The following RABGEF1 variants were observed in gnomAD, a reference collection of about 807,000 sequenced individuals.
The protein encoded by RABGEF1 is RAB guanine nucleotide exchange factor 1, also known as rab5 GDP/GTP exchange factor.
Under a neutral mutation model 57.3 loss-of-function variants are expected in RABGEF1, and 26 were observed. The observed-to-expected ratio is 0.45, with a 90% CI of 0.33 to 0.63. The LOEUF is 0.63. Ranked by LOEUF, RABGEF1 falls within the 20% of genes least tolerant of loss-of-function variation. The pLI is 0.02. For synonymous variants in RABGEF1, 185 were observed against 210.7 expected (o/e 0.88, Z 1.06); for missense variants, 464 against 607.6 (o/e 0.76, Z 2.48).
chr7:66,784,304 T>G (rs542639231), intron 4 of RABGEF1, among the ~76,000 whole-genome samples: 1 of 152,328 alleles, frequency 6.6e-6, no homozygotes, highest in South Asian at 2.1e-4. Context: ...GAAAGGGACT[T>G]TAGCAACTAT....
the RABGEF1 span, among the ~76,000 whole-genome samples, chr7:66,659,825 ATCAG>A: frequency 6.6e-6 from 1 of 151,904 alleles, no homozygotes; most frequent in Non-Finnish European, 1.5e-5. Context: ...AAGATCTCAA[ATCAG>A]TCACCTAACT....
At chr7:66,772,747 A>G (rs972632825) in intron 2 of RABGEF1, among the ~76,000 whole-genome samples, 3 of 151,858 alleles carry the variant, frequency 2.0e-5, no homozygotes, top group Non-Finnish European at 4.4e-5. Flanking sequence ...CCTCTCTACT[A>G]AAAATATTAA....
the RABGEF1 span, among the ~76,000 whole-genome samples, chr7:66,655,273 G>T: frequency 3.9e-5 from 6 of 152,178 alleles, no homozygotes; most frequent in Non-Finnish European, 7.3e-5. Context: ...GAGGAGAGCC[G>T]AGAGATGTCC....
At chr7:66,660,368 AAAAAG>A in the RABGEF1 span, among the ~76,000 whole-genome samples, 2 of 151,890 alleles carry the variant, frequency 1.3e-5, no homozygotes, top group African/African-American at 2.4e-5. Context: ...AAAAGAAAGA[AAAAAG>A]AAAATGAGCA....
chr7:66,680,277 G>A (rs192026896), upstream of RABGEF1, among the ~76,000 whole-genome samples: 1 of 150,694 alleles, frequency 6.6e-6, no homozygotes, highest in Non-Finnish European at 1.5e-5. Flanking sequence ...ACAGAGTTTC[G>A]CTCTTGTTGC....
At chr7:66,666,946 G>A in the RABGEF1 span, among the ~76,000 whole-genome samples, 1 of 152,220 alleles carries the variant, frequency 6.6e-6, no homozygotes, top group Non-Finnish European at 1.5e-5. Flanking sequence ...AGGCAGCAAG[G>A]CACTGCAGGT....
rs1789072796 is a variant in RABGEF1, at chr7:66,808,925, T to A, written c.1117T>A (p.Ser373Thr). Residue 373 changes from serine (S) to threonine (T), a missense_variant, in exon 9 of 9, where the codon TCT (serine) becomes ACT (threonine). By Grantham distance (58) the Ser-to-Thr change is moderately conservative. Around this residue, in one of 4 missense-constraint regions of RABGEF1, gnomAD observed 151 missense variants for 152.2 expected, o/e 0.99. Transcript: ENST00000284957. ...VAFIEKLDAQ[S>T]LNLSQEDFDR... ...TTTCATTGAGAAGCTAGACGCCCAG[T>A]CTTTGAATCTAAGTCAGGAGGATTT... is the stretch of plus-strand genomic sequence containing the variant. 1.2e-6 allele frequency: 2 copies of A among 1,610,474 alleles called. No individual in the cohort carries two copies.
upstream of RABGEF1, among the ~76,000 whole-genome samples, chr7:66,738,798 C>T (rs1319715758): frequency 6.6e-6 from 1 of 151,434 alleles, no homozygotes; most frequent in Non-Finnish European, 1.5e-5. Context: ...GGTGTGTTGC[C>T]TGATTCTGTA....
chr7:66,808,489 C>G (rs192956636), intron 8 of RABGEF1, among the ~76,000 whole-genome samples: 1 of 152,190 alleles, frequency 6.6e-6, no homozygotes, highest in Non-Finnish European at 1.5e-5. Context: ...GCTGGGATTA[C>G]AGGCTTGAGG....
intron 7 of RABGEF1, among the ~76,000 whole-genome samples, chr7:66,803,503 G>A (rs1327848302): frequency 2.6e-5 from 4 of 152,216 alleles, no homozygotes; most frequent in East Asian, 1.9e-4. Context: ...CTGTCACCAC[G>A]TGCTTCAGCA....
At chr7:66,657,920 C>T in the RABGEF1 span, among the ~76,000 whole-genome samples, 1 of 152,086 alleles carries the variant, frequency 6.6e-6, no homozygotes, top group African/African-American at 2.4e-5. Context: ...GAGCTAACCC[C>T]AACCTAGCAG....
the RABGEF1 span, among the ~76,000 whole-genome samples, chr7:66,673,093 A>G: frequency 1.4e-5 from 2 of 138,600 alleles, no homozygotes; most frequent in South Asian, 2.4e-4. Context: ...GCCCATGCTC[A>G]GGTGGCCACA....
intron 2 of RABGEF1, among the ~76,000 whole-genome samples, 191 bp from the exon 3 acceptor site, chr7:66,775,035 AC>A (rs1171321205): frequency 2.0e-5 from 3 of 152,216 alleles, no homozygotes; most frequent in Non-Finnish European, 4.4e-5. Flanking sequence ...GTATGAGAAG[AC>A]CCCATTTGAA....
At chr7:66,768,213 CT>C (rs1806224714) in intron 1 of RABGEF1, among the ~76,000 whole-genome samples, 5 of 152,178 alleles carry the variant, frequency 3.3e-5, no homozygotes. Context: ...AACAAATTGT[CT>C]TCTGCTGTGG....
intron 7 of RABGEF1, among the ~76,000 whole-genome samples, chr7:66,801,153 ATCAGCTCC>A (rs1167400233): frequency 6.6e-6 from 1 of 152,200 alleles, no homozygotes; most frequent in Non-Finnish European, 1.5e-5. Context: ...AGAGTCCATC[ATCAGCTCC>A]TCTTAGCTCC....
At chr7:66,691,488 G>GA (rs776326672) in intron 1 of RABGEF1, among the ~76,000 whole-genome samples, 305 of 152,216 alleles carry the variant, frequency 2.0e-3, no homozygotes, top group Non-Finnish European at 3.6e-3. Context: ...TATGCTGAGT[G>GA]AAAAAAATTG....
rs529550567 is a variant in RABGEF1, at chr7:66,759,074, TC to T, written c.-17-12808del. Reference sequence around the variant, plus strand: ...TGTATAGTGTCATGCACATTTCATCTCATACGTAGATTCCTGTAGCCACCAC... The same window carrying T: ...TGTATAGTGTCATGCACATTTCATCTATACGTAGATTCCTGTAGCCACCAC... On this transcript the variant is annotated intron_variant, in intron 1 of 8. Transcript: ENST00000284957. Among the ~76,000 whole-genome samples the T allele has an allele frequency of 3.3e-5, 5 of 152,282 alleles. No homozygotes were observed. The South Asian group carries it at 1.0e-3, about 32-fold the overall frequency.
intron 3 of RABGEF1, among the ~76,000 whole-genome samples, chr7:66,783,005 T>G (rs1351445341): frequency 1.3e-5 from 2 of 152,176 alleles, no homozygotes; most frequent in African/African-American, 2.4e-5. Flanking sequence ...CCATTTTCCT[T>G]TCAGTGTGTT....
In RABGEF1 at chr7:66,793,736, A is replaced by G. The variant is rs1398222252; in HGVS notation, c.514-1775A>G. 2.7e-5 allele frequency among the ~76,000 whole-genome samples: 4 copies of G among 148,448 alleles called. No homozygotes were observed. The South Asian group carries it at 6.2e-4, about 23-fold the overall frequency. On this transcript the variant is annotated intron_variant, in intron 4 of 8. Transcript: ENST00000284957. Reference sequence around the variant, plus strand: ...CAAGGGCTGCAGTCAAGGTGATCACAAAGTGCCATGAGTGCTTGGCCATTT... The same window carrying G: ...CAAGGGCTGCAGTCAAGGTGATCACGAAGTGCCATGAGTGCTTGGCCATTT...
Sources: gnomAD v4.1 joint callset for allele counts (sites outside exome capture counted in the v4.1 genomes callset) on GRCh38, gnomAD v4.1.1 for gene constraint, gnomAD v4.1.1 regional missense constraint, MANE v1.5 for transcripts, NCBI Gene and HGNC (gene_info 2026-07-23, HGNC 2026-07-21) for gene names.